EIF4G3: variants seen among roughly 807,000 people sequenced by gnomAD.
EIF4G3 encodes the protein eIF-4-gamma 3.
A neutral mutation model predicts 186.4 loss-of-function variants in EIF4G3; 34 were observed. That is an observed-to-expected ratio of 0.18 (90% confidence interval 0.14 to 0.24). EIF4G3 has a LOEUF of 0.24. Ranked by LOEUF, EIF4G3 falls within the 10% of genes least tolerant of loss-of-function variation. The pLI, the probability that EIF4G3 is intolerant of heterozygous loss-of-function variation, is 1.00. For synonymous variants in EIF4G3, 673 were observed against 679.5 expected, an observed-to-expected ratio of 0.99 and a Z score of 0.15; for missense variants, 1,536 against 1,948.5, an observed-to-expected ratio of 0.79 and a Z score of 3.99.
intron 19 of EIF4G3, among the ~76,000 whole-genome samples, chr1:20,880,763 A>C (rs912818471): frequency 2.6e-5 from 4 of 152,178 alleles, no homozygotes; most frequent in Non-Finnish European, 5.9e-5. Context: ...AACAAAAAAG[A>C]TGGAAAAAAA....
At chr1:20,966,513 G>A (rs1478875666) in intron 12 of EIF4G3, among the ~76,000 whole-genome samples, 1 of 144,158 alleles carries the variant, frequency 6.9e-6, no homozygotes, top group Non-Finnish European at 1.5e-5. Flanking sequence ...TCTCTCTGTT[G>A]CCCAGGCTGG....
rs75678831 is a variant in EIF4G3 at position 21,074,777 on chromosome 1, A to G, written c.-196+14361T>C. Among the ~76,000 whole-genome samples, 5 of 152,336 alleles carry G rather than the reference A, an allele frequency of 3.3e-5. No homozygotes were observed. The East Asian group carries it at 9.6e-4, about 29-fold the overall frequency. ...ATTTTCCAATACAATGTTGTATTAA[A>G]AAAGAAAACTAATCCAGGTACACTG... is the stretch of plus-strand genomic sequence containing the variant. On this transcript the variant is annotated intron_variant, in intron 3 of 36. Transcript: ENST00000602326.
chr1:21,100,056 A>G (rs1021965737), intron 2 of EIF4G3, among the ~76,000 whole-genome samples: 1 of 152,234 alleles, frequency 6.6e-6, no homozygotes, highest in African/African-American at 2.4e-5. Flanking sequence ...ATACATGTAC[A>G]TTACGGATAA....
Position 20,986,744 on chromosome 1 carries a change from C to CAAAAAA in EIF4G3, c.178-4342_178-4337dup, listed in dbSNP as rs61255473. ...AGCCTGGGCGACAGAGCTCTGTCTC[C>CAAAAAA]AAAAAAAAAAAAAAAAAAAAAAAAA... is the stretch of plus-strand genomic sequence containing the variant. On this transcript the variant is annotated intron_variant, in intron 7 of 36. Transcript: ENST00000602326. Among the ~76,000 whole-genome samples, 371 of 66,304 alleles carry CAAAAAA rather than the reference C, an allele frequency of 5.6e-3. 30 individuals carry two copies. The highest frequency in any genetic ancestry group is 0.014 in the East Asian group (20 of 1,418). The allele number at this position is 66,304 out of a possible 152,430, so 43.5% of individuals were successfully genotyped here. A position where few individuals can be genotyped will look rare whatever the true frequency, so the allele number is the denominator to read the frequency against.
At chr1:20,862,537 C>T (rs1377641839) in intron 22 of EIF4G3, among the ~76,000 whole-genome samples, 1 of 152,102 alleles carries the variant, frequency 6.6e-6, no homozygotes, top group East Asian at 1.9e-4. Context: ...CTCAGCCTCT[C>T]GAGTAGCTGG....
chr1:21,014,261 T>C (rs1284304067), intron 4 of EIF4G3, among the ~76,000 whole-genome samples: 2 of 152,224 alleles, frequency 1.3e-5, no homozygotes, highest in African/African-American at 2.4e-5. Context: ...GTGATTGTGG[T>C]TGTCTGGCCC....
At chr1:20,846,836 G>A (rs907807982) in intron 29 of EIF4G3, among the ~76,000 whole-genome samples, 5 of 152,122 alleles carry the variant, frequency 3.3e-5, no homozygotes, top group Non-Finnish European at 5.9e-5. Context: ...AATCTCTTGG[G>A]CTTAACTTTT....
At chr1:20,914,637 A>C (rs1330182671) in intron 14 of EIF4G3, among the ~76,000 whole-genome samples, 1 of 152,238 alleles carries the variant, frequency 6.6e-6, no homozygotes, top group Admixed American at 6.5e-5. Flanking sequence ...TGGTGATTAC[A>C]ACAGCAATAG....
At chr1:20,937,792 C>T (rs934638350) in intron 14 of EIF4G3, among the ~76,000 whole-genome samples, 1 of 152,132 alleles carries the variant, frequency 6.6e-6, no homozygotes, top group Non-Finnish European at 1.5e-5. Flanking sequence ...TTTTTCCTCC[C>T]ACCAGATACA....
intron 25 of EIF4G3, 142 bp downstream of exon 25, chr1:20,857,261 G>T (rs2075237198): frequency 2.9e-6 from 2 of 678,276 alleles, no homozygotes; most frequent in African/African-American, 1.8e-5. Context: ...CCACCCCATG[G>T]ATTTGCAATA....
intron 7 of EIF4G3, among the ~76,000 whole-genome samples, chr1:20,991,284 C>T (rs1265106429): frequency 3.9e-5 from 6 of 152,238 alleles, no homozygotes; most frequent in East Asian, 3.9e-4. Context: ...AATTCAGTTC[C>T]GGGTCAAGCA....
intron 29 of EIF4G3, among the ~76,000 whole-genome samples, chr1:20,843,141 T>G (rs540304356): frequency 6.6e-6 from 1 of 151,362 alleles, no homozygotes; most frequent in South Asian, 2.1e-4. Flanking sequence ...ACCTGGCCCC[T>G]TGTGGGTTTT....
chr1:20,890,706 T>C (rs942203605), intron 18 of EIF4G3, among the ~76,000 whole-genome samples: 9 of 152,212 alleles, frequency 5.9e-5, no homozygotes, highest in African/African-American at 1.7e-4. Flanking sequence ...TCCACCCGCT[T>C]TGGCCTCCCA....
At chr1:21,088,809 G>A (rs2096078760) in intron 3 of EIF4G3, among the ~76,000 whole-genome samples, 1 of 151,978 alleles carries the variant, frequency 6.6e-6, no homozygotes, top group South Asian at 2.1e-4. Context: ...AGGTTGCAAT[G>A]AGCCAAGATC....
At chr1:20,902,435 G>C (rs1572459393) in intron 15 of EIF4G3, among the ~76,000 whole-genome samples, 2 of 152,024 alleles carry the variant, frequency 1.3e-5, no homozygotes, top group East Asian at 1.9e-4. Flanking sequence ...GCTGATACCA[G>C]AAACAAATTA....
At chr1:21,099,682 C>A (rs1371110079) in intron 2 of EIF4G3, among the ~76,000 whole-genome samples, 2 of 152,136 alleles carry the variant, frequency 1.3e-5, no homozygotes, top group Non-Finnish European at 2.9e-5. Flanking sequence ...AGTTTATCCA[C>A]AAAGGGACAT....
Position 21,171,582 on chromosome 1 carries a change from T to C in EIF4G3, c.-272+4593A>G, listed in dbSNP as rs535069615. On this transcript the variant is annotated intron_variant, in intron 2 of 36. Transcript: ENST00000602326. ...TGCCCCATGTTAGTATCTTCTAATA[T>C]CAATAAGCCACCACAGAACATGTCA... Among the ~76,000 whole-genome samples, 4 of 152,280 alleles carry C rather than the reference T, an allele frequency of 2.6e-5. No individual in the cohort carries two copies. In the South Asian group the frequency reaches 8.3e-4, roughly 32 times the overall value.
Position 20,807,147 on chromosome 1 carries a change from A to G in EIF4G3, c.*172T>C, listed in dbSNP as rs1301840552. On this transcript the variant is annotated 3_prime_UTR_variant, in exon 37 of 37. Transcript: ENST00000602326. ...TAAGGTTTGAAGTTTACTTTTATCC[A>G]GTACCTTTTTCCTCCATGATCACCT... 1 of 478,320 alleles carries G rather than the reference A, an allele frequency of 2.1e-6. No homozygotes were observed. Among genetic ancestry groups the G allele is most frequent in the East Asian group, 3.3e-5 (1 of 30,256 alleles). 29.6% of individuals were successfully genotyped at this position (478,320 alleles called of 1,614,324 possible).
chr1:21,021,713 G>A lies in EIF4G3; in HGVS notation c.-66-18905C>T, dbSNP rs1030425188. Among the ~76,000 whole-genome samples, 10 of 152,158 alleles carry A rather than the reference G, an allele frequency of 6.6e-5. No individual in the cohort carries two copies. In the South Asian group the frequency reaches 1.2e-3, roughly 19 times the overall value. On this transcript the variant is annotated intron_variant, in intron 4 of 36. Transcript: ENST00000602326. ...TGGGACTACAGGCGCGCAGCACAATGCCTGGCTAATTTTTGTATTTTTAGT... is the reference window on the plus strand; with the variant it reads ...TGGGACTACAGGCGCGCAGCACAATACCTGGCTAATTTTTGTATTTTTAGT...
Sources: allele counts gnomAD v4.1 joint callset (sites outside exome capture counted in the v4.1 genomes callset), GRCh38; gene constraint gnomAD v4.1.1; transcripts MANE v1.5; gene names NCBI Gene and HGNC (gene_info 2026-07-23, HGNC 2026-07-21).